Variants in GRIN2A observed in about 807,000 individuals in gnomAD.
The protein encoded by GRIN2A is glutamate receptor ionotropic, NMDA 2A.
Under a neutral mutation model 113.4 loss-of-function variants are expected in GRIN2A, and 22 were observed. The observed-to-expected ratio is 0.19, with a 90% CI of 0.14 to 0.28. The LOEUF is 0.28. GRIN2A is among the 10% of genes least tolerant of loss of function. The pLI is 1.00. For synonymous variants in GRIN2A, 827 were observed against 738.4 expected (o/e 1.12, Z -1.94); for missense variants, 1,502 against 1,887.0 (o/e 0.80, Z 3.78).
chr16:10,058,295 A>AAAAAAC (rs2047490608), intron 2 of GRIN2A, among the ~76,000 whole-genome samples: 3 of 125,694 alleles, frequency 2.4e-5, no homozygotes, highest in African/African-American at 8.8e-5. Flanking sequence ...ACAAAAAAAC[A>AAAAAAC]AAAAACAAAA....
At chr16:10,066,728 T>C (rs1419234959) in intron 2 of GRIN2A, among the ~76,000 whole-genome samples, 4 of 152,090 alleles carry the variant, frequency 2.6e-5, no homozygotes, top group Admixed American at 1.3e-4. Flanking sequence ...TCCCAGGAGA[T>C]TGAGAAGGTT....
rs116270132 is a variant in GRIN2A at position 9,966,168 on chromosome 16, A to G, written c.415-27617T>C. 2.2e-3 allele frequency among the ~76,000 whole-genome samples: 328 copies of G among 152,290 alleles called. 1 individual carries two copies. The highest frequency in any genetic ancestry group is 7.5e-3 in the African/African-American group (310 of 41,564). On this transcript the variant is annotated intron_variant, in intron 2 of 12. Transcript: ENST00000330684. ...GGATACACATGCAGATTTGTTACAC[A>G]GGTAAACTTGTGCCATGGGGGTTTG...
chr16:9,968,477 C>A (rs1311593237), intron 2 of GRIN2A, among the ~76,000 whole-genome samples: 1 of 152,032 alleles, frequency 6.6e-6, no homozygotes, highest in Non-Finnish European at 1.5e-5. Context: ...CCACACCTGG[C>A]TAATTTTGTA....
Position 10,170,882 on chromosome 16 carries a change from A to G in GRIN2A, c.414+9116T>C, listed in dbSNP as rs891923089. On this transcript the variant is annotated intron_variant, in intron 2 of 12. Coordinates refer to ENST00000330684, the MANE Select transcript of GRIN2A (RefSeq NM_001134407.3). ...ACAGAGTGAAACACTGTTTTCTTTA[A>G]AAAAAAAAAAAAAAAAATTGTGTTG... is the stretch of plus-strand genomic sequence containing the variant. 8.0e-4 allele frequency among the ~76,000 whole-genome samples: 41 copies of G among 51,232 alleles called. No individual in the cohort carries two copies. In the Middle Eastern group the frequency reaches 0.079, roughly 99 times the overall value. 33.6% of individuals were successfully genotyped at this position (51,232 alleles called of 152,430 possible). A position where few individuals can be genotyped will look rare whatever the true frequency, so the allele number is the denominator to read the frequency against.
At chr16:10,103,366 G>A (rs2048436674) in intron 2 of GRIN2A, among the ~76,000 whole-genome samples, 1 of 152,140 alleles carries the variant, frequency 6.6e-6, no homozygotes, top group Non-Finnish European at 1.5e-5. Flanking sequence ...ACATTTTGCA[G>A]AGCAGAAAAT....
At chr16:10,030,765 T>G (rs1463582470) in intron 2 of GRIN2A, among the ~76,000 whole-genome samples, 1 of 152,190 alleles carries the variant, frequency 6.6e-6, no homozygotes, top group Non-Finnish European at 1.5e-5. Flanking sequence ...AAGTGCAGGG[T>G]GATCATCTAT....
chr16:9,991,260 G>A (rs2046107752), intron 2 of GRIN2A, among the ~76,000 whole-genome samples: 1 of 151,996 alleles, frequency 6.6e-6, no homozygotes, highest in Non-Finnish European at 1.5e-5. Flanking sequence ...TGCAAAGAAG[G>A]GATCCAAGTC....
chr16:10,173,054 C>A (rs1046669057), intron 2 of GRIN2A, among the ~76,000 whole-genome samples: 1 of 152,194 alleles, frequency 6.6e-6, no homozygotes, highest in Non-Finnish European at 1.5e-5. Flanking sequence ...AAACGATTGT[C>A]AGCAACCCCT....
At chr16:10,048,904 A>T (rs1186623272) in intron 2 of GRIN2A, among the ~76,000 whole-genome samples, 1 of 152,100 alleles carries the variant, frequency 6.6e-6, no homozygotes, top group Non-Finnish European at 1.5e-5. Flanking sequence ...CAAGTTCTAC[A>T]AGCCTCCTTC....
chr16:9,891,956 T>C (rs9926546), intron 3 of GRIN2A, among the ~76,000 whole-genome samples: 49,245 of 152,012 alleles, frequency 0.32, 10,028 homozygotes, highest in African/African-American at 0.58. Flanking sequence ...GGTGCAGGCA[T>C]GGTGGCTCAC....
chr16:9,937,256 T>TA (rs550154160), intron 3 of GRIN2A, among the ~76,000 whole-genome samples: 68 of 150,612 alleles, frequency 4.5e-4, no homozygotes, highest in South Asian at 2.3e-3. Flanking sequence ...ATCAATAGGG[T>TA]AAAAAAAAAC....
chr16:10,025,249 A>G (rs1444272316), intron 2 of GRIN2A, among the ~76,000 whole-genome samples: 3 of 151,530 alleles, frequency 2.0e-5, no homozygotes, highest in Admixed American at 6.6e-5. Flanking sequence ...GGTTTAACGA[A>G]AGGTTTTATA....
intron 2 of GRIN2A, among the ~76,000 whole-genome samples, chr16:10,168,345 T>C (rs2049966583): frequency 6.6e-6 from 1 of 152,214 alleles, no homozygotes; most frequent in Admixed American, 6.5e-5. Flanking sequence ...CAGGCAAATT[T>C]ATACTGAATT....
rs1321627986 is a variant in GRIN2A at position 10,042,379 on chromosome 16, CAGCCCCACGGAG to C, written c.415-103840_415-103829del. ...CTGCCATGACATGAGGGACTTCAAG[CAGCCCCACGGAG>C]AGGTTCTCAAAATCAATAAATGAGG... On this transcript the variant is annotated intron_variant, in intron 2 of 12. Coordinates refer to ENST00000330684, the MANE Select transcript of GRIN2A (RefSeq NM_001134407.3). Among the ~76,000 whole-genome samples the C allele has an allele frequency of 1.6e-4, 25 of 152,172 alleles. No individual in the cohort carries two copies. In the East Asian group the frequency reaches 4.8e-3, roughly 30 times the overall value.
chr16:10,173,562 C>T (rs1362609866), intron 2 of GRIN2A, among the ~76,000 whole-genome samples: 5 of 152,180 alleles, frequency 3.3e-5, no homozygotes, highest in African/African-American at 1.2e-4. Flanking sequence ...TATGTTCATC[C>T]GGAAGCTCCA....
chr16:10,047,740 T>C (rs1400220632), intron 2 of GRIN2A, among the ~76,000 whole-genome samples: 2 of 152,206 alleles, frequency 1.3e-5, no homozygotes, highest in Non-Finnish European at 2.9e-5. Context: ...AGTTAATATA[T>C]CCTTTTCTGC....
intron 2 of GRIN2A, among the ~76,000 whole-genome samples, chr16:10,150,849 C>G (rs577699547): frequency 6.6e-6 from 1 of 152,298 alleles, no homozygotes; most frequent in South Asian, 2.1e-4. Context: ...TGTTTATCAT[C>G]TTGCTTCTCT....
chr16:10,162,285 G>C (rs755776970), intron 2 of GRIN2A, among the ~76,000 whole-genome samples: 1 of 150,070 alleles, frequency 6.7e-6, no homozygotes, highest in Non-Finnish European at 1.5e-5. Context: ...TCTGGGTTCT[G>C]AGCTGAGGTG....
intron 2 of GRIN2A, among the ~76,000 whole-genome samples, chr16:10,069,613 G>A (rs2047712963): frequency 6.6e-6 from 1 of 152,256 alleles, no homozygotes; most frequent in Non-Finnish European, 1.5e-5. Context: ...ACCAGGGACA[G>A]ATATAGTAGC....
Sources: allele counts gnomAD v4.1 joint callset (sites outside exome capture counted in the v4.1 genomes callset), GRCh38; gene constraint gnomAD v4.1.1; transcripts MANE v1.5; gene names NCBI Gene and HGNC (gene_info 2026-07-23, HGNC 2026-07-21).